Variants in CELF2 observed in about 807,000 individuals in gnomAD.
CELF2 encodes the protein CUG triplet repeat RNA-binding protein 2.
A neutral mutation model predicts 62.6 loss-of-function variants in CELF2; 8 were observed. The observed-to-expected ratio is 0.13, with a 90% CI of 0.07 to 0.23. The LOEUF (loss-of-function observed/expected upper bound fraction) is 0.23. Ranked by LOEUF, CELF2 falls within the 10% of genes least tolerant of loss-of-function variation. CELF2 has a pLI of 1.00. For missense variants in CELF2, 333 were observed against 671.0 expected (o/e 0.50, Z 5.56); for synonymous variants, 258 against 250.0 (o/e 1.03, Z -0.30).
intron 2 of CELF2, among the ~76,000 whole-genome samples, chr10:10,963,129 C>T (rs1290035576): frequency 1.3e-5 from 2 of 152,088 alleles, no homozygotes; most frequent in Non-Finnish European, 2.9e-5. Context: ...CAGCCTTCGC[C>T]TCCTGGGTTC....
intron 1 of CELF2, among the ~76,000 whole-genome samples, chr10:11,043,930 C>G (rs1046218179): frequency 6.6e-6 from 1 of 152,240 alleles, no homozygotes; most frequent in African/African-American, 2.4e-5. Flanking sequence ...CAGCATCTTA[C>G]ATTTGCTCTG....
At position 11,319,722 on chromosome 10, in the gene CELF2, G is replaced by A. The variant is rs2095316915; in HGVS notation, c.1097-1467G>A. ...CCCTGCTTGGTGTCTGTTCTGAGAA[G>A]CACAGGAATACCCGAGGTGAGGCAC... On this transcript the variant is annotated intron_variant, in intron 10 of 12. Transcript: ENST00000633077. This position sits in a 1 kb window ranked among gnomAD's most constrained non-coding sequence, Gnocchi z 4.4. The A allele has an allele frequency of 2.1e-6, 1 of 467,932 alleles. No homozygotes were observed. The highest frequency in any genetic ancestry group is 2.4e-5 in the Admixed American group (1 of 42,434). 29.0% of individuals were successfully genotyped at this position (467,932 alleles called of 1,614,324 possible).
rs1484497139 is a variant in CELF2, at chr10:11,246,749, T to C, written c.355-2404T>C. On this transcript the variant is annotated intron_variant, in intron 3 of 12. Coordinates refer to ENST00000633077, the MANE Select transcript of CELF2 (RefSeq NM_001326342.2). The surrounding 1 kb of genome is among the most constrained non-coding windows in gnomAD (Gnocchi z 4.6). ...TGCAGTTCTGTCCTCGGCTCTCAGC[T>C]CTTTGCACCCTTCTTTCCCTCGCTG... 3.9e-5 allele frequency among the ~76,000 whole-genome samples: 6 copies of C among 152,164 alleles called. No individual in the cohort carries two copies. Among genetic ancestry groups the C allele is most frequent in the African/African-American group, 1.4e-4 (6 of 41,428 alleles).
In CELF2 at chr10:11,247,986, A is replaced by G. The variant is rs551808249; in HGVS notation, c.355-1167A>G. Among the ~76,000 whole-genome samples, 17 of 152,262 alleles carry G rather than the reference A, an allele frequency of 1.1e-4. No individual in the cohort carries two copies. In the East Asian group the frequency reaches 2.5e-3, roughly 22 times the overall value. ...CCTGACTGCCTGATGATAATTTCCCATGATGAAAGTATCAGAGCCAAGTGC... is the reference window on the plus strand; with the variant it reads ...CCTGACTGCCTGATGATAATTTCCCGTGATGAAAGTATCAGAGCCAAGTGC... On this transcript the variant is annotated intron_variant, in intron 3 of 12. Coordinates refer to ENST00000633077, the MANE Select transcript of CELF2 (RefSeq NM_001326342.2). This position sits in a 1 kb window ranked among gnomAD's most constrained non-coding sequence, Gnocchi z 5.4.
chr10:11,259,327 A>G (rs2137944000), intron 5 of CELF2, among the ~76,000 whole-genome samples: 1 of 151,988 alleles, frequency 6.6e-6, no homozygotes, highest in South Asian at 2.1e-4. Context: ...CCCACCTACA[A>G]CCACCTCCAG....
intron 1 of CELF2, among the ~76,000 whole-genome samples, chr10:11,083,970 G>C (rs528445049): frequency 6.6e-6 from 1 of 152,262 alleles, no homozygotes; most frequent in East Asian, 1.9e-4. Context: ...ATGATTTACT[G>C]CTCCCTCAAT....
At chr10:10,780,770 C>T in the CELF2 span, among the ~76,000 whole-genome samples, 13 of 152,232 alleles carry the variant, frequency 8.5e-5, no homozygotes, top group Non-Finnish European at 1.3e-4. Context: ...TGAGCCACTG[C>T]GCCCGGCAAA....
intron 1 of CELF2, among the ~76,000 whole-genome samples, chr10:11,072,744 C>T (rs778762303): frequency 6.6e-6 from 1 of 152,090 alleles, no homozygotes; most frequent in African/African-American, 2.4e-5. Context: ...ACTAACACCT[C>T]GGGTTCACAG....
chr10:11,188,756 A>G (rs2075620442), intron 2 of CELF2, among the ~76,000 whole-genome samples: 1 of 152,200 alleles, frequency 6.6e-6, no homozygotes. Context: ...CTCTCCTTGT[A>G]GACTCAGATT....
intron 2 of CELF2, among the ~76,000 whole-genome samples, chr10:10,998,994 G>C (rs563397953): frequency 2.0e-5 from 3 of 152,048 alleles, no homozygotes; most frequent in Non-Finnish European, 2.9e-5. Flanking sequence ...TATTTTCAAC[G>C]TACCCATATA....
intron 2 of CELF2, among the ~76,000 whole-genome samples, chr10:11,193,961 A>G (rs1442326221): frequency 6.6e-6 from 1 of 152,164 alleles, no homozygotes; most frequent in East Asian, 1.9e-4. Context: ...TCACATTGCT[A>G]GGAATTTGGT....
At chr10:11,222,832 TA>T (rs1768669945) in intron 3 of CELF2, among the ~76,000 whole-genome samples, 1 of 152,244 alleles carries the variant, frequency 6.6e-6, no homozygotes. Context: ...TTCCAAAATA[TA>T]AAATGAATGT....
chr10:10,973,656 T>C (rs1303103405), intron 2 of CELF2, among the ~76,000 whole-genome samples: 2 of 152,098 alleles, frequency 1.3e-5, no homozygotes. Context: ...AGCCTCAACC[T>C]CCCAGGCTTA....
At chr10:10,514,755 C>A in the CELF2 span, among the ~76,000 whole-genome samples, 1 of 152,086 alleles carries the variant, frequency 6.6e-6, no homozygotes. Flanking sequence ...AACAGAGGTG[C>A]TTTTAGGGGC....
intron 3 of CELF2, among the ~76,000 whole-genome samples, chr10:11,219,228 T>A (rs4237414): frequency 2.0e-5 from 3 of 152,220 alleles, no homozygotes; most frequent in Non-Finnish European, 2.9e-5. Context: ...TCGAGGGTGC[T>A]CTCAAGAAAC....
chr10:11,084,573 C>T (rs747158815), intron 1 of CELF2, among the ~76,000 whole-genome samples: 24 of 151,848 alleles, frequency 1.6e-4, no homozygotes, highest in Admixed American at 3.9e-4. Context: ...TGGAGTTGAG[C>T]GAGAAAAATG....
chr10:10,791,620 T>C, the CELF2 span, among the ~76,000 whole-genome samples: 1 of 152,232 alleles, frequency 6.6e-6, no homozygotes, highest in Non-Finnish European at 1.5e-5. Flanking sequence ...CATCTTAGAT[T>C]ATAAAGCTTC....
intron 1 of CELF2, among the ~76,000 whole-genome samples, chr10:10,808,746 A>G (rs1418691655): frequency 6.6e-6 from 1 of 152,132 alleles, no homozygotes; most frequent in African/African-American, 2.4e-5. Flanking sequence ...AAACACAGAA[A>G]ATTATTTTTA....
intron 8 of CELF2, among the ~76,000 whole-genome samples, chr10:11,281,283 G>C (rs1177446419): frequency 6.6e-6 from 1 of 152,134 alleles, no homozygotes; most frequent in Non-Finnish European, 1.5e-5. Flanking sequence ...TGGAGACCCT[G>C]AACCCTGTCA....
Sources: gnomAD v4.1 joint callset for allele counts (sites outside exome capture counted in the v4.1 genomes callset) on GRCh38, gnomAD v4.1.1 for gene constraint, Gnocchi (gnomAD v3.1) non-coding constraint, MANE v1.5 for transcripts, NCBI Gene and HGNC (gene_info 2026-07-23, HGNC 2026-07-21) for gene names.